HPD: variants seen among roughly 807,000 people sequenced by gnomAD.
HPD encodes the protein 4-hydroxyphenylpyruvate dioxygenase, also known as 4-hydroxyphenylpyruvic acid oxidase.
HPD carries 35 observed loss-of-function variants against 56.9 expected under a neutral mutation model. The observed-to-expected ratio is 0.62, with a 90% CI of 0.47 to 0.82. The LOEUF is 0.82. HPD is among the 40% of genes least tolerant of loss of function. The probability of loss-of-function intolerance (pLI) is 0.00; values close to 1 mark genes in which losing one functional copy is unlikely to be tolerated. For missense variants in HPD, 442 were observed against 506.8 expected, an observed-to-expected ratio of 0.87 and a Z score of 1.23; for synonymous variants, 186 against 200.2, an observed-to-expected ratio of 0.93 and a Z score of 0.60.
At chr12:121,888,077 G>A in the HPD span, among the ~76,000 whole-genome samples, 1 of 152,122 alleles carries the variant, frequency 6.6e-6, no homozygotes, top group South Asian at 2.1e-4. Flanking sequence ...TGAGGTTGTT[G>A]AATTAATATA....
chr12:121,884,171 C>T, the HPD span, among the ~76,000 whole-genome samples: 21 of 124,170 alleles, frequency 1.7e-4, no homozygotes, highest in Admixed American at 1.7e-3. Context: ...CTTTTCCTCT[C>T]TTTTTTTTTT....
chr12:121,860,966 G>A (rs1284996208), upstream of HPD, among the ~76,000 whole-genome samples: 3 of 152,144 alleles, frequency 2.0e-5, no homozygotes, highest in African/African-American at 4.8e-5. Flanking sequence ...TTGGGAGGCC[G>A]AGGAGGGAGG....
At chr12:121,857,460 AT>A (rs1268402348) in intron 3 of HPD, 28 bp from the exon 4 acceptor site, 1 of 1,535,502 alleles carries the variant, frequency 6.5e-7, no homozygotes, top group African/African-American at 1.4e-5. Flanking sequence ...AGCAGGGTTC[AT>A]GAGGGTCAAG....
At chr12:121,875,008 C>T in the HPD span, among the ~76,000 whole-genome samples, 1 of 152,204 alleles carries the variant, frequency 6.6e-6, no homozygotes, top group Non-Finnish European at 1.5e-5. Context: ...GATCTGTCTG[C>T]CTCAGCCTCC....
the HPD span, among the ~76,000 whole-genome samples, chr12:121,877,257 C>A: frequency 1.3e-5 from 2 of 152,128 alleles, no homozygotes; most frequent in Non-Finnish European, 2.9e-5. Flanking sequence ...GAGAAGCTAA[C>A]TGGCTCATAC....
chr12:121,877,441 G>A, the HPD span, among the ~76,000 whole-genome samples: 86 of 152,014 alleles, frequency 5.7e-4, no homozygotes, highest in African/African-American at 2.1e-3. Context: ...ACAGAGAAGA[G>A]CTGGGTGAGG....
chr12:121,858,346 G>A (rs747168981), intron 2 of HPD, among the ~76,000 whole-genome samples: 17 of 151,998 alleles, frequency 1.1e-4, no homozygotes, highest in South Asian at 4.2e-4. Flanking sequence ...TACCATGCCC[G>A]GCTAATTTTC....
upstream of HPD, among the ~76,000 whole-genome samples, chr12:121,862,200 T>C (rs988845189): frequency 6.6e-6 from 1 of 152,166 alleles, no homozygotes; most frequent in Non-Finnish European, 1.5e-5. Context: ...ACATCGTGGA[T>C]GCTGCTGGAC....
At chr12:121,870,009 C>T in the HPD span, among the ~76,000 whole-genome samples, 2 of 151,842 alleles carry the variant, frequency 1.3e-5, no homozygotes, top group African/African-American at 4.8e-5. Flanking sequence ...AACTCCTGGG[C>T]TCAAGCAGTC....
intron 2 of HPD, among the ~76,000 whole-genome samples, chr12:121,858,426 T>C (rs1341338163): frequency 2.6e-5 from 4 of 152,078 alleles, no homozygotes; most frequent in Non-Finnish European, 4.4e-5. Context: ...CTCAAGTATT[T>C]GCCTGCCTTG....
At chr12:121,855,743 G>A in intron 6 of HPD, among the ~76,000 whole-genome samples, 1 of 150,264 alleles carries the variant, frequency 6.7e-6, no homozygotes, top group Non-Finnish European at 1.5e-5. Flanking sequence ...GAAAGAAAAA[G>A]AAAATGAAAA....
intron 7 of HPD, among the ~76,000 whole-genome samples, chr12:121,852,551 G>A (rs923897600): frequency 6.7e-6 from 1 of 148,910 alleles, no homozygotes; most frequent in Admixed American, 6.7e-5. Flanking sequence ...AACAGAATTG[G>A]TCATCTTTGC....
At chr12:121,877,491 G>T in the HPD span, among the ~76,000 whole-genome samples, 2 of 151,982 alleles carry the variant, frequency 1.3e-5, no homozygotes, top group African/African-American at 4.8e-5. Context: ...CAGCACTTTG[G>T]GAGGCAGAGG....
At chr12:121,874,825 G>T in the HPD span, among the ~76,000 whole-genome samples, 1,704 of 150,564 alleles carry the variant, frequency 0.011, 41 homozygotes, top group African/African-American at 0.039. Context: ...GCAATGGCAC[G>T]ATCTCTGCCC....
At chr12:121,888,491 G>T in the HPD span, among the ~76,000 whole-genome samples, 3 of 152,234 alleles carry the variant, frequency 2.0e-5, no homozygotes, top group Non-Finnish European at 4.4e-5. Context: ...GCGCCACGCA[G>T]CGGTTCTCTG....
chr12:121,856,422 A>G lies in HPD; in HGVS notation c.242-16T>C, dbSNP rs1878000211. The stretch of plus-strand genomic sequence containing the variant: ...TCGCCCATCTCTGTGGCCGGCAGGG[A>G]GAGGATGGCACTGGAGTCTGGAGTC... On this transcript the variant is annotated splice_polypyrimidine_tract_variant and intron_variant, in intron 5 of 13. Coordinates refer to ENST00000289004, the MANE Select transcript of HPD (RefSeq NM_002150.3). 6.2e-7 allele frequency: 1 copy of G among 1,612,934 alleles called. No homozygotes were observed. The highest frequency in any genetic ancestry group is 8.5e-7 in the Non-Finnish European group (1 of 1,179,152).
At chr12:121,854,594 T>A in intron 7 of HPD, 109 bp downstream of exon 7, 1 of 829,682 alleles carries the variant, frequency 1.2e-6, no homozygotes, top group South Asian at 1.3e-5. Flanking sequence ...GGACAATGTC[T>A]GTGCTCCAAG....
the HPD span, among the ~76,000 whole-genome samples, chr12:121,878,921 C>A: frequency 2.6e-5 from 4 of 152,086 alleles, no homozygotes; most frequent in African/African-American, 9.7e-5. Context: ...ACCATCCTCC[C>A]GCCTTGGCCT....
chr12:121,874,088 G>C, the HPD span: 1 of 152,268 alleles, frequency 6.6e-6, no homozygotes, highest in African/African-American at 2.4e-5. Flanking sequence ...TGTACCTGAT[G>C]GGGTGGGAAA....
Sources: allele counts gnomAD v4.1 joint callset (sites outside exome capture counted in the v4.1 genomes callset), GRCh38; gene constraint gnomAD v4.1.1; transcripts MANE v1.5; gene names NCBI Gene and HGNC (gene_info 2026-07-23, HGNC 2026-07-21).